Variants in LRP1B observed in about 807,000 individuals in gnomAD.
LRP1B encodes the protein LDL receptor related protein 1B, also known as low-density lipoprotein receptor-related protein 1B.
LRP1B carries 217 observed loss-of-function variants against 556.6 expected under a neutral mutation model. The ratio of observed to expected loss-of-function variants is 0.39; its 90% CI spans 0.35 to 0.44. The LOEUF (loss-of-function observed/expected upper bound fraction) is 0.44, where lower values mean the gene tolerates loss of function less well. Ranked by LOEUF, LRP1B falls within the 20% of genes least tolerant of loss-of-function variation. The probability of loss-of-function intolerance (pLI) is 1.00; values close to 1 mark genes in which losing one functional copy is unlikely to be tolerated. For synonymous variants in LRP1B, 2,047 were observed against 1,865.8 expected, an observed-to-expected ratio of 1.10 and a Z score of -2.50; for missense variants, 5,053 against 5,620.8, an observed-to-expected ratio of 0.90 and a Z score of 3.23.
At chr2:141,241,324 A>G (rs1683869847) in intron 5 of LRP1B, among the ~76,000 whole-genome samples, 1 of 152,126 alleles carries the variant, frequency 6.6e-6, no homozygotes, top group Non-Finnish European at 1.5e-5. Flanking sequence ...TCTGTAGTAC[A>G]GAGGCTTATT....
rs1007056302 is a variant in LRP1B at position 140,923,004 on chromosome 2, A to G, written c.3280T>C (p.Leu1094=). The change falls in exon 21 of 91, where the codon TTG becomes CTG. Residue 1094 remains leucine, a synonymous_variant. Coordinates refer to ENST00000389484, the MANE Select transcript of LRP1B (RefSeq NM_018557.3). ...GAAAACTTGGTTTTGTGGTCACACA[A>G]TCGTATGGTACCATTGCAACCTTTT... ...DEKGCNGTIR[L]CDHKTKFSCW... is the part of the protein sequence containing the mutation. The G allele has an allele frequency of 1.9e-6, 3 of 1,612,698 alleles. No homozygotes were observed. The highest frequency in any genetic ancestry group is 1.3e-5 in the African/African-American group (1 of 74,818).
chr2:141,743,501 CTTTTTT>C (rs796287062), intron 2 of LRP1B, among the ~76,000 whole-genome samples: 35,124 of 119,336 alleles, frequency 0.29, 5,156 homozygotes, highest in Middle Eastern at 0.46. Context: ...TTTTTTTTTT[CTTTTTT>C]TTTTTTTTTT....
At position 141,092,865 on chromosome 2, in the gene LRP1B, T is replaced by A. The variant is rs1469796533; in HGVS notation, c.1014-30592A>T. ...ATACTCAGCTTATTGTTAACCTCGA[T>A]AAGAGTAGTTGCATTGGAGAATCAG... On this transcript the variant is annotated intron_variant, in intron 7 of 90. Coordinates refer to ENST00000389484, the MANE Select transcript of LRP1B (RefSeq NM_018557.3). 2.6e-5 allele frequency among the ~76,000 whole-genome samples: 4 copies of A among 152,226 alleles called. No individual in the cohort carries two copies. In the South Asian group the frequency reaches 6.2e-4, roughly 24 times the overall value.
intron 1 of LRP1B, among the ~76,000 whole-genome samples, chr2:142,080,323 C>T (rs7609479): frequency 0.74 from 112,383 of 151,998 alleles, 42,033 homozygotes; most frequent in Non-Finnish European, 0.78. Context: ...TGGGAACACA[C>T]AAGTTCACAA....
chr2:140,386,991 T>C (rs988884200), intron 66 of LRP1B, among the ~76,000 whole-genome samples: 1 of 152,186 alleles, frequency 6.6e-6, no homozygotes, highest in African/African-American at 2.4e-5. Context: ...CTGGCAATAA[T>C]ATTGCCTTTT....
At chr2:141,388,496 T>G (rs1010848435) in intron 3 of LRP1B, among the ~76,000 whole-genome samples, 1 of 152,062 alleles carries the variant, frequency 6.6e-6, no homozygotes, top group African/African-American at 2.4e-5. Context: ...TAAGATTAGA[T>G]GGAAACTACT....
At chr2:141,198,013 G>A (rs2105217891) in intron 6 of LRP1B, among the ~76,000 whole-genome samples, 1 of 152,120 alleles carries the variant, frequency 6.6e-6, no homozygotes, top group East Asian at 1.9e-4. Context: ...GATGTTAAAG[G>A]AAAAGGTAAG....
At chr2:140,838,039 T>A (rs943090654) in intron 31 of LRP1B, among the ~76,000 whole-genome samples, 1 of 152,156 alleles carries the variant, frequency 6.6e-6, no homozygotes, top group Non-Finnish European at 1.5e-5. Context: ...ACTTTTTTTT[T>A]TTATTATAAG....
At chr2:140,333,276 T>C (rs1680905862) in intron 79 of LRP1B, among the ~76,000 whole-genome samples, 1 of 152,084 alleles carries the variant, frequency 6.6e-6, no homozygotes, top group African/African-American at 2.4e-5. Flanking sequence ...AGTACCTCCA[T>C]TGACAGCCCA....
chr2:140,290,490 T>C (rs1040057830), intron 84 of LRP1B, among the ~76,000 whole-genome samples: 1 of 152,064 alleles, frequency 6.6e-6, no homozygotes. Context: ...AGTCTAAGTG[T>C]GAATGTTGTA....
chr2:140,334,368 T>C (rs1179939673), intron 79 of LRP1B, 85 bp downstream of exon 79: 12 of 828,616 alleles, frequency 1.4e-5, no homozygotes, highest in South Asian at 1.2e-4. Context: ...AAAATACTTA[T>C]ATTGCCAACA....
chr2:140,517,673 T>C (rs948921735), intron 49 of LRP1B, among the ~76,000 whole-genome samples: 2 of 151,204 alleles, frequency 1.3e-5, no homozygotes, highest in African/African-American at 4.8e-5. Context: ...TATTTTAACC[T>C]TCAAGAGTAC....
chr2:140,632,463 T>C (rs191775476), intron 41 of LRP1B, among the ~76,000 whole-genome samples: 13 of 152,176 alleles, frequency 8.5e-5, no homozygotes, highest in African/African-American at 3.1e-4. Context: ...TTGTAAATGT[T>C]TATTGCAAAC....
intron 7 of LRP1B, among the ~76,000 whole-genome samples, chr2:141,096,636 GAGAGAGAGAGA>G (rs1700320624): frequency 5.1e-5 from 3 of 58,686 alleles, no homozygotes; most frequent in African/African-American, 1.8e-4. Flanking sequence ...GGGGGAGAGA[GAGAGAGAGAGA>G]GAGAGAGAGA....
At chr2:140,670,794 A>G (rs1239161744) in intron 41 of LRP1B, among the ~76,000 whole-genome samples, 1 of 152,238 alleles carries the variant, frequency 6.6e-6, no homozygotes, top group Non-Finnish European at 1.5e-5. Flanking sequence ...GTGTCTTGAT[A>G]AAATTACGAC....
intron 3 of LRP1B, among the ~76,000 whole-genome samples, chr2:141,337,507 A>AT (rs2105508338): frequency 6.6e-6 from 1 of 151,422 alleles, no homozygotes; most frequent in African/African-American, 2.4e-5. Flanking sequence ...GTAGCTGATT[A>AT]TTTTTTATAC....
intron 81 of LRP1B, 87 bp downstream of exon 81, chr2:140,323,789 GGTTAAGACATTTACATA>G (rs1009856157): frequency 3.7e-5 from 20 of 547,236 alleles, no homozygotes; most frequent in African/African-American, 2.9e-4. Context: ...AAGTTACTGA[GGTTAAGACATTTACATA>G]GTTAAGATAT....
intron 41 of LRP1B, among the ~76,000 whole-genome samples, chr2:140,648,610 G>A (rs1684567990): frequency 1.3e-5 from 2 of 151,978 alleles, no homozygotes; most frequent in African/African-American, 4.8e-5. Context: ...GGAATAGAGG[G>A]TGGGGCCGGG....
At chr2:140,689,652 A>C (rs1265329180) in intron 41 of LRP1B, among the ~76,000 whole-genome samples, 1 of 152,178 alleles carries the variant, frequency 6.6e-6, no homozygotes, top group African/African-American at 2.4e-5. Context: ...ATGAATCACT[A>C]TTCCCAAGTC....
Sources: allele counts gnomAD v4.1 joint callset (sites outside exome capture counted in the v4.1 genomes callset), GRCh38; gene constraint gnomAD v4.1.1; transcripts MANE v1.5; gene names NCBI Gene and HGNC (gene_info 2026-07-23, HGNC 2026-07-21).